The following FOXP1 variants were observed in gnomAD, a reference collection of about 807,000 sequenced individuals.
FOXP1 encodes the protein forkhead box P1.
In FOXP1, 15 loss-of-function variants were observed where a neutral mutation model predicts 98.2. The observed-to-expected ratio is 0.15, with a 90% CI of 0.10 to 0.24. The LOEUF is 0.24. FOXP1 is among the 10% of genes least tolerant of loss of function. FOXP1 has a pLI of 1.00. For missense variants in FOXP1, 633 were observed against 848.5 expected, an observed-to-expected ratio of 0.75 and a Z score of 3.15; for synonymous variants, 371 against 314.5, an observed-to-expected ratio of 1.18 and a Z score of -1.90.
chr3:71,052,427 A>C (rs2050026538), intron 9 of FOXP1, 110 bp downstream of exon 9: 19 of 781,584 alleles, frequency 2.4e-5, no homozygotes, highest in Non-Finnish European at 4.4e-5. Context: ...CTGAGAACCG[A>C]TAGAGTCAGC....
At chr3:71,304,001 T>A (rs996434949) in intron 4 of FOXP1, among the ~76,000 whole-genome samples, 5 of 152,200 alleles carry the variant, frequency 3.3e-5, no homozygotes, top group African/African-American at 4.8e-5. Context: ...CAAAGAAATG[T>A]GCGACTTTGA....
chr3:70,970,969 C>T (rs774534929), intron 18 of FOXP1, 164 bp from the exon 19 acceptor site: 16 of 665,822 alleles, frequency 2.4e-5, no homozygotes, highest in Non-Finnish European at 3.5e-5. Context: ...ATTTGCAGGG[C>T]GGGTGTGTGT....
intron 3 of FOXP1, among the ~76,000 whole-genome samples, chr3:71,391,877 C>A (rs2081063230): frequency 6.6e-6 from 1 of 152,302 alleles, no homozygotes; most frequent in Admixed American, 6.5e-5. Flanking sequence ...TGGATCAGGA[C>A]ACTTTTACTA....
chr3:71,547,601 C>T (rs1272618926), intron 2 of FOXP1, among the ~76,000 whole-genome samples: 1 of 152,196 alleles, frequency 6.6e-6, no homozygotes, highest in Non-Finnish European at 1.5e-5. Flanking sequence ...CCTTCTATGA[C>T]ATTAGAAGGC....
intron 5 of FOXP1, among the ~76,000 whole-genome samples, chr3:71,290,650 C>A (rs144638971): frequency 6.6e-6 from 1 of 152,142 alleles, no homozygotes; most frequent in African/African-American, 2.4e-5. Context: ...GCCCTAATGC[C>A]CTACTCAGTC....
intron 6 of FOXP1, among the ~76,000 whole-genome samples, chr3:71,149,329 A>G (rs977457487): frequency 1.3e-5 from 2 of 152,196 alleles, no homozygotes; most frequent in Non-Finnish European, 2.9e-5. Flanking sequence ...TCACCAGCAC[A>G]TTGTATATTG....
At chr3:71,075,105 T>C (rs549953711) in intron 7 of FOXP1, among the ~76,000 whole-genome samples, 1 of 152,202 alleles carries the variant, frequency 6.6e-6, no homozygotes, top group Non-Finnish European at 1.5e-5. Flanking sequence ...TCTCTAATCA[T>C]AAAAGGCAAG....
At chr3:71,116,914 G>C in intron 6 of FOXP1, among the ~76,000 whole-genome samples, 1 of 152,118 alleles carries the variant, frequency 6.6e-6, no homozygotes, top group Non-Finnish European at 1.5e-5. Flanking sequence ...GTTCAGTGTT[G>C]ATCAGTGGAA....
chr3:71,426,702 T>G (rs1460788734), intron 3 of FOXP1, among the ~76,000 whole-genome samples: 2 of 152,166 alleles, frequency 1.3e-5, no homozygotes, highest in East Asian at 3.8e-4. Flanking sequence ...CCTCCAACAC[T>G]TCACTTAAAA....
rs905906716 is a variant in FOXP1, at chr3:71,428,396, A to T, written c.-168+65030T>A. The stretch of plus-strand genomic sequence containing the variant: ...TTCCTGCTGTAACCAAATTAATGGG[A>T]ACAGTACAGATATGCATGCCAGTGC... On this transcript the variant is annotated intron_variant, in intron 3 of 20. Coordinates refer to ENST00000649528, the MANE Select transcript of FOXP1 (RefSeq NM_001349338.3). 8.4e-4 allele frequency among the ~76,000 whole-genome samples: 128 copies of T among 152,362 alleles called. 1 individual carries two copies. The highest frequency in any genetic ancestry group is 2.9e-3 in the African/African-American group (122 of 41,594).
intron 4 of FOXP1, among the ~76,000 whole-genome samples, chr3:71,356,340 G>A (rs1004064417): frequency 3.3e-5 from 5 of 151,942 alleles, no homozygotes; most frequent in East Asian, 1.9e-4. Flanking sequence ...ATAGCTGCAC[G>A]TGTCCTTGCA....
intron 5 of FOXP1, among the ~76,000 whole-genome samples, chr3:71,287,375 G>A (rs749743412): frequency 6.6e-6 from 1 of 152,096 alleles, no homozygotes. Flanking sequence ...TTGAGGCTGA[G>A]GGGAGAGGAT....
chr3:71,402,693 A>C (rs748594675), intron 3 of FOXP1, among the ~76,000 whole-genome samples: 1 of 152,244 alleles, frequency 6.6e-6, no homozygotes, highest in Admixed American at 6.5e-5. Flanking sequence ...CTGTGTACAT[A>C]AGTGTATATA....
intron 2 of FOXP1, chr3:71,570,659 AAC>A (rs994282345): frequency 1.3e-5 from 2 of 152,282 alleles, no homozygotes; most frequent in African/African-American, 2.4e-5. Context: ...TGAAGAAAAG[AAC>A]AGAGTTTGGG....
intron 6 of FOXP1, among the ~76,000 whole-genome samples, chr3:71,132,764 T>C (rs978179646): frequency 2.0e-5 from 3 of 152,232 alleles, no homozygotes; most frequent in Non-Finnish European, 4.4e-5. Flanking sequence ...GTAATCAGTT[T>C]AGCATTTGCC....
rs375522919 is a variant in FOXP1 at position 71,411,707 on chromosome 3, C to T, written c.-167-52463G>A. Among the ~76,000 whole-genome samples the T allele has an allele frequency of 1.5e-3, 225 of 152,324 alleles. 2 individuals are homozygous for T. Among genetic ancestry groups the T allele is most frequent in the Non-Finnish European group, 2.4e-3 (162 of 68,032 alleles). On this transcript the variant is annotated intron_variant, in intron 3 of 20. Coordinates refer to ENST00000649528, the MANE Select transcript of FOXP1 (RefSeq NM_001349338.3). ...CTCGTAGAAAAGGACCCATCAAGAGCGGTCTCAGTTAGTCTGCTCCAGTGT... is the reference window on the plus strand; with the variant it reads ...CTCGTAGAAAAGGACCCATCAAGAGTGGTCTCAGTTAGTCTGCTCCAGTGT...
chr3:71,344,376 C>A (rs1007769700), intron 4 of FOXP1, among the ~76,000 whole-genome samples: 7 of 152,174 alleles, frequency 4.6e-5, no homozygotes, highest in African/African-American at 1.7e-4. Flanking sequence ...TTGCCACCCA[C>A]AAACAGTGTG....
chr3:71,579,431 A>G (rs892587623), intron 2 of FOXP1, among the ~76,000 whole-genome samples: 15 of 152,174 alleles, frequency 9.9e-5, no homozygotes, highest in Non-Finnish European at 1.9e-4. Flanking sequence ...AATGTAAAGT[A>G]GTTAAATTTT....
At chr3:71,238,300 T>C (rs1454087096) in intron 5 of FOXP1, among the ~76,000 whole-genome samples, 1 of 152,178 alleles carries the variant, frequency 6.6e-6, no homozygotes, top group Non-Finnish European at 1.5e-5. Context: ...CATTAGTAAG[T>C]AGGGACAAAT....
Sources: allele counts gnomAD v4.1 joint callset (sites outside exome capture counted in the v4.1 genomes callset), GRCh38; gene constraint gnomAD v4.1.1; transcripts MANE v1.5; gene names NCBI Gene and HGNC (gene_info 2026-07-23, HGNC 2026-07-21).